Variants in ALDH1A2 observed in about 807,000 individuals in gnomAD.
ALDH1A2 encodes retinal dehydrogenase 2.
ALDH1A2 carries 27 observed loss-of-function variants against 60.3 expected under a neutral mutation model. The observed-to-expected ratio is 0.45, with a 90% confidence interval of 0.33 to 0.62. The LOEUF (loss-of-function observed/expected upper bound fraction) is 0.62, where lower values mean the gene tolerates loss of function less well. Ranked by LOEUF, ALDH1A2 falls within the 20% of genes least tolerant of loss-of-function variation. The pLI is 0.02. For synonymous variants in ALDH1A2, 289 were observed against 232.4 expected (o/e 1.24, Z -2.21); for missense variants, 581 against 643.8 (o/e 0.90, Z 1.06).
chr15:58,037,151 T>A (rs1347070834), intron 1 of ALDH1A2, among the ~76,000 whole-genome samples: 2 of 151,630 alleles, frequency 1.3e-5, no homozygotes, highest in African/African-American at 2.4e-5. Context: ...GTAAGTAGAA[T>A]ATGTATTTAA....
chr15:57,955,309 C>T (rs375294035), intron 12 of ALDH1A2, 40 bp from the exon 13 acceptor site: 50 of 1,608,178 alleles, frequency 3.1e-5, no homozygotes, highest in Non-Finnish European at 4.2e-5. Flanking sequence ...ACCAGAAGTC[C>T]AGGGAGCTGC....
chr15:57,986,618 A>C (rs915776091), intron 7 of ALDH1A2, among the ~76,000 whole-genome samples: 2 of 149,166 alleles, frequency 1.3e-5, no homozygotes, highest in Non-Finnish European at 3.0e-5. Flanking sequence ...GAAAAACTCC[A>C]GTCAAATTCA....
In ALDH1A2 at chr15:58,013,888, G is replaced by A; in HGVS notation, c.333C>T (p.Asp111=). 1 of 1,614,166 alleles carries A rather than the reference G, an allele frequency of 6.2e-7. No individual in the cohort carries two copies. The highest frequency in any genetic ancestry group is 8.5e-7 in the Non-Finnish European group (1 of 1,180,026). The change falls in exon 3 of 13, where the codon GAC becomes GAT. Residue 111 remains aspartate, a synonymous_variant. Transcript: ENST00000249750. ...GAACTGCCCTGTCCCGTTCCACCAA[G>A]TCTGCAAGCTTATCCAACAGACGTC... ...ERGRLLDKLA[D]LVERDRAVLA... is the part of the protein sequence containing the mutation.
intron 1 of ALDH1A2, among the ~76,000 whole-genome samples, chr15:58,063,615 A>G (rs1897096356): frequency 6.6e-6 from 1 of 152,272 alleles, no homozygotes; most frequent in South Asian, 2.1e-4. Flanking sequence ...CTCACTAAAG[A>G]GCTGAGGAGG....
chr15:58,058,356 T>A (rs1444186874), intron 1 of ALDH1A2, among the ~76,000 whole-genome samples: 1 of 151,818 alleles, frequency 6.6e-6, no homozygotes, highest in Admixed American at 6.6e-5. Context: ...TCACAATATT[T>A]CGCCAGATTC....
rs1894947210 is a variant in ALDH1A2, at chr15:57,993,049, C to A, written c.580G>T (p.Ala194Ser). The A allele has an allele frequency of 1.2e-6, 2 of 1,612,818 alleles. No homozygotes were observed. Among genetic ancestry groups the A allele is most frequent in the Non-Finnish European group, 8.5e-7 (1 of 1,179,914 alleles). The stretch of plus-strand genomic sequence containing the variant: ...CACAAAGCTGGAGCTATTTTCCAGG[C>A]AAACATCAGCAGGGGGAAGTTCCAC... ...IPWNFPLLMF[A>S]WKIAPALCCG... The change falls in exon 6 of 13, where the codon GCC becomes TCC. Residue 194 changes from alanine to serine, a missense_variant. Around this residue, in one of 2 missense-constraint regions of ALDH1A2, gnomAD observed 375 missense variants for 469.7 expected, o/e 0.80. Coordinates refer to ENST00000249750, the MANE Select transcript of ALDH1A2 (RefSeq NM_003888.4).
In ALDH1A2 at chr15:58,057,649, C is replaced by CT. The variant is rs1243176616; in HGVS notation, c.117+7884dup. Among the ~76,000 whole-genome samples the CT allele has an allele frequency of 2.2e-4, 34 of 152,278 alleles. 1 individual carries two copies. In the East Asian group the frequency reaches 6.4e-3, roughly 29 times the overall value. On this transcript the variant is annotated intron_variant, in intron 1 of 12. Coordinates refer to ENST00000249750, the MANE Select transcript of ALDH1A2 (RefSeq NM_003888.4). ...TTCTTCTGCTGAGCTGGAAACATCTCTATCTTCTGAATCCTCATTCATCTC... is the reference window on the plus strand; with the variant it reads ...TTCTTCTGCTGAGCTGGAAACATCTCTTATCTTCTGAATCCTCATTCATCTC...
chr15:57,997,426 C>G (rs1388082118), intron 4 of ALDH1A2, among the ~76,000 whole-genome samples: 1 of 151,886 alleles, frequency 6.6e-6, no homozygotes, highest in African/African-American at 2.4e-5. Flanking sequence ...TGGATAGTCA[C>G]AGACCACAGA....
intron 4 of ALDH1A2, among the ~76,000 whole-genome samples, chr15:58,005,727 CT>C (rs1247965092): frequency 4.6e-5 from 7 of 151,800 alleles, no homozygotes; most frequent in Admixed American, 2.0e-4. Context: ...ATTTCAGGTT[CT>C]TTTTTTATGG....
chr15:58,065,629 T>G lies in ALDH1A2; in HGVS notation c.22A>C (p.Met8Leu), dbSNP rs1257189989. Residue 8 changes from methionine to leucine, a missense_variant, in exon 1 of 13, where the codon ATG becomes CTG. By Grantham distance (15) the Met-to-Leu change is conservative. This residue lies in a region of ALDH1A2 where 206 missense variants were observed against 174.1 expected (regional missense o/e 1.18). Transcript: ENST00000249750. ...GGGTCGGCCTTCACCTCGCCGGGCA[T>G]CTCTATCTTGCTGGAAGTCATGGTG... The part of the protein sequence containing the change: MTSSKIE[M>L]PGEVKADPAA... The G allele has an allele frequency of 2.5e-6, 4 of 1,604,216 alleles. No individual in the cohort carries two copies. The highest frequency in any genetic ancestry group is 3.4e-6 in the Non-Finnish European group (4 of 1,174,870).
At chr15:57,981,816 C>T (rs1894525096) in intron 7 of ALDH1A2, among the ~76,000 whole-genome samples, 1 of 152,222 alleles carries the variant, frequency 6.6e-6, no homozygotes, top group Non-Finnish European at 1.5e-5. Flanking sequence ...GTGCTAAACA[C>T]TCTAGATATA....
At chr15:57,987,013 C>T (rs148726604) in intron 7 of ALDH1A2, among the ~76,000 whole-genome samples, 6 of 151,970 alleles carry the variant, frequency 3.9e-5, no homozygotes, top group Admixed American at 6.6e-5. Context: ...AGGGGTGTAG[C>T]GAGGAAGAAA....
chr15:58,025,605 T>A (rs1896059113), intron 1 of ALDH1A2, among the ~76,000 whole-genome samples: 1 of 152,174 alleles, frequency 6.6e-6, no homozygotes, highest in Non-Finnish European at 1.5e-5. Flanking sequence ...TCAATCCTCC[T>A]GAAACTATTC....
At chr15:57,960,722 A>G (rs1893689195) in intron 12 of ALDH1A2, 48 bp downstream of exon 12, 2 of 1,502,072 alleles carry the variant, frequency 1.3e-6, no homozygotes, top group Non-Finnish European at 1.9e-6. Context: ...CTCTGTGCTG[A>G]TATTTGCAAT....
chr15:58,038,770 T>C (rs1896439499), intron 1 of ALDH1A2, among the ~76,000 whole-genome samples: 1 of 151,932 alleles, frequency 6.6e-6, no homozygotes. Flanking sequence ...TAATGGTTAA[T>C]GTTCATTTCT....
chr15:57,972,347 A>G (rs1195220132), intron 7 of ALDH1A2, among the ~76,000 whole-genome samples: 1 of 152,204 alleles, frequency 6.6e-6, no homozygotes, highest in Admixed American at 6.5e-5. Context: ...ATCTACCACT[A>G]ACATGTTCAA....
At chr15:58,052,359 T>C (rs560121297) in intron 1 of ALDH1A2, among the ~76,000 whole-genome samples, 38 of 152,330 alleles carry the variant, frequency 2.5e-4, no homozygotes, top group Admixed American at 1.4e-3. Context: ...AGAAATCTTA[T>C]AGCTTTTCTA....
At chr15:57,973,959 TTC>T (rs145819696) in intron 7 of ALDH1A2, among the ~76,000 whole-genome samples, 6 of 150,634 alleles carry the variant, frequency 4.0e-5, no homozygotes, top group South Asian at 2.1e-4. Context: ...AAATTCTCCC[TTC>T]TCTCTCTCTC....
chr15:57,968,751 C>T (rs1206863290), intron 7 of ALDH1A2, among the ~76,000 whole-genome samples: 1 of 152,152 alleles, frequency 6.6e-6, no homozygotes, highest in African/African-American at 2.4e-5. Context: ...CACTGCTGGC[C>T]CAGCTGGCAT....
Sources: gnomAD v4.1 joint callset for allele counts (sites outside exome capture counted in the v4.1 genomes callset) on GRCh38, gnomAD v4.1.1 for gene constraint, gnomAD v4.1.1 regional missense constraint, MANE v1.5 for transcripts, NCBI Gene and HGNC (gene_info 2026-07-23, HGNC 2026-07-21) for gene names.